The following EBF1 variants were observed in gnomAD, a reference collection of about 807,000 sequenced individuals.
EBF1 encodes EBF transcription factor 1.
A neutral mutation model predicts 68.4 loss-of-function variants in EBF1; 10 were observed. That is an observed-to-expected ratio of 0.15 (90% CI 0.09 to 0.25). EBF1 has a LOEUF of 0.25. EBF1 is among the 10% of genes least tolerant of loss of function. The probability of loss-of-function intolerance (pLI) is 1.00; values close to 1 mark genes in which losing one functional copy is unlikely to be tolerated. For synonymous variants in EBF1, 298 were observed against 299.8 expected (o/e 0.99, Z 0.06); for missense variants, 509 against 794.4 (o/e 0.64, Z 4.32).
chr5:158,888,730 C>T (rs1172897048), intron 6 of EBF1, among the ~76,000 whole-genome samples: 4 of 152,058 alleles, frequency 2.6e-5, no homozygotes, highest in African/African-American at 9.7e-5. Context: ...TTTACTCCTT[C>T]ATATCTCCAC....
At chr5:158,924,421 T>C (rs981702213) in intron 6 of EBF1, among the ~76,000 whole-genome samples, 5 of 152,124 alleles carry the variant, frequency 3.3e-5, no homozygotes, top group African/African-American at 1.2e-4. Context: ...AAAGAAAATC[T>C]CCTTCATTTG....
chr5:158,770,556 C>A (rs1300748818), intron 10 of EBF1, among the ~76,000 whole-genome samples: 1 of 152,160 alleles, frequency 6.6e-6, no homozygotes, highest in African/African-American at 2.4e-5. Context: ...TCCCTGACTA[C>A]TTCTCGCAGC....
intron 6 of EBF1, among the ~76,000 whole-genome samples, chr5:159,067,949 C>A (rs1371652015): frequency 6.6e-6 from 1 of 152,096 alleles, no homozygotes; most frequent in African/African-American, 2.4e-5. Flanking sequence ...TTTAACCAAG[C>A]AGTCAAGGTT....
chr5:158,978,160 T>C (rs1158682419), intron 6 of EBF1, among the ~76,000 whole-genome samples: 1 of 152,206 alleles, frequency 6.6e-6, no homozygotes, highest in African/African-American at 2.4e-5. Context: ...ACATGATTGA[T>C]TTTCTTTCAG....
intron 9 of EBF1, among the ~76,000 whole-genome samples, chr5:158,783,015 A>G (rs1220171888): frequency 6.7e-6 from 1 of 149,346 alleles, no homozygotes; most frequent in Non-Finnish European, 1.5e-5. Flanking sequence ...GAGAAATGAT[A>G]AGATGAAATG....
chr5:158,733,524 AATATC>A (rs926582937), intron 10 of EBF1, among the ~76,000 whole-genome samples: 5 of 152,192 alleles, frequency 3.3e-5, no homozygotes, highest in African/African-American at 1.2e-4. Flanking sequence ...AACCAATTCA[AATATC>A]ATATGGAACT....
At chr5:159,088,212 C>T (rs912625349) in intron 4 of EBF1, among the ~76,000 whole-genome samples, 1 of 152,082 alleles carries the variant, frequency 6.6e-6, no homozygotes, top group African/African-American at 2.4e-5. Context: ...AAGGTATGGG[C>T]ACGGAAATCA....
chr5:158,844,593 C>T (rs1791051468), intron 6 of EBF1, among the ~76,000 whole-genome samples: 1 of 152,184 alleles, frequency 6.6e-6, no homozygotes, highest in Non-Finnish European at 1.5e-5. Context: ...ACAATATTCA[C>T]ATAGTTAGTA....
chr5:159,078,764 C>A (rs1481967459), intron 5 of EBF1, among the ~76,000 whole-genome samples: 1 of 152,214 alleles, frequency 6.6e-6, no homozygotes, highest in Non-Finnish European at 1.5e-5. Context: ...CCGAAATCAG[C>A]AGCCCTTTCC....
chr5:158,764,380 C>T (rs1045626123), intron 10 of EBF1, among the ~76,000 whole-genome samples: 2 of 152,192 alleles, frequency 1.3e-5, no homozygotes, highest in Admixed American at 6.5e-5. Context: ...TCTATAAAGA[C>T]ATCAACAACT....
chr5:159,016,328 C>T (rs1385682936), intron 6 of EBF1, among the ~76,000 whole-genome samples: 1 of 152,108 alleles, frequency 6.6e-6, no homozygotes, highest in Non-Finnish European at 1.5e-5. Context: ...CCCATCTTTC[C>T]AAGTTGTTTT....
At chr5:158,743,829 T>G (rs1766962908) in intron 10 of EBF1, among the ~76,000 whole-genome samples, 2 of 152,200 alleles carry the variant, frequency 1.3e-5, no homozygotes, top group South Asian at 2.1e-4. Context: ...GGAATTTAGG[T>G]GCCAGAAGAT....
At chr5:159,095,217 C>T (rs1562005168) in intron 4 of EBF1, among the ~76,000 whole-genome samples, 1 of 152,212 alleles carries the variant, frequency 6.6e-6, no homozygotes, top group Non-Finnish European at 1.5e-5. Flanking sequence ...CCTCCGCCCC[C>T]TCAGCCCCTC....
At chr5:158,733,051 A>ATT in intron 10 of EBF1, among the ~76,000 whole-genome samples, 1 of 152,124 alleles carries the variant, frequency 6.6e-6, no homozygotes, top group Admixed American at 6.5e-5. Context: ...TCTTTTTTCA[A>ATT]ATTAGACTTG....
At chr5:158,749,571 G>T (rs887115034) in intron 10 of EBF1, among the ~76,000 whole-genome samples, 2 of 152,082 alleles carry the variant, frequency 1.3e-5, no homozygotes, top group South Asian at 4.2e-4. Context: ...TCAACACTTG[G>T]TAGAAAACTG....
chr5:159,030,702 T>G (rs1768620355), intron 6 of EBF1, among the ~76,000 whole-genome samples: 1 of 152,136 alleles, frequency 6.6e-6, no homozygotes, highest in Non-Finnish European at 1.5e-5. Flanking sequence ...GCATGGACAC[T>G]CCTGAGCACA....
intron 15 of EBF1, among the ~76,000 whole-genome samples, chr5:158,700,201 T>G (rs1311089408): frequency 6.6e-6 from 1 of 152,262 alleles, no homozygotes; most frequent in Non-Finnish European, 1.5e-5. Context: ...GTGTATTTGC[T>G]CTTATGTCAA....
chr5:158,816,789 A>G (rs1783839212), intron 8 of EBF1, among the ~76,000 whole-genome samples: 1 of 152,134 alleles, frequency 6.6e-6, no homozygotes, highest in Admixed American at 6.5e-5. Context: ...ATACGAAGCC[A>G]TCTGAAAAAA....
chr5:158,952,727 G>T (rs887069628), intron 6 of EBF1, among the ~76,000 whole-genome samples: 1 of 152,200 alleles, frequency 6.6e-6, no homozygotes, highest in Non-Finnish European at 1.5e-5. Context: ...TGCAACAAAA[G>T]CTGTTTTCAT....
Sources: gnomAD v4.1 joint callset for allele counts (sites outside exome capture counted in the v4.1 genomes callset) on GRCh38, gnomAD v4.1.1 for gene constraint, MANE v1.5 for transcripts, NCBI Gene and HGNC (gene_info 2026-07-23, HGNC 2026-07-21) for gene names.